The following IKZF3 variants were observed in gnomAD, a reference collection of about 807,000 sequenced individuals.
IKZF3 encodes the protein IKAROS family zinc finger 3, also known as zinc finger protein Aiolos.
Under a neutral mutation model 49.0 loss-of-function variants are expected in IKZF3, and 10 were observed. The observed-to-expected ratio is 0.20, with a 90% CI of 0.13 to 0.35. The LOEUF is 0.35. Ranked by LOEUF, IKZF3 falls within the 10% of genes least tolerant of loss-of-function variation. IKZF3 has a pLI of 1.00. For missense variants in IKZF3, 498 were observed against 664.8 expected, an observed-to-expected ratio of 0.75 and a Z score of 2.76; for synonymous variants, 209 against 228.2, an observed-to-expected ratio of 0.92 and a Z score of 0.76.
chr17:39,772,637 T>C (rs964816474), intron 7 of IKZF3, among the ~76,000 whole-genome samples: 17 of 152,074 alleles, frequency 1.1e-4, no homozygotes, highest in Non-Finnish European at 2.1e-4. Flanking sequence ...GGGGTGGCAC[T>C]GGGGAAAGCT....
At chr17:39,815,663 G>T (rs906777993) in intron 3 of IKZF3, among the ~76,000 whole-genome samples, 1 of 152,096 alleles carries the variant, frequency 6.6e-6, no homozygotes, top group Non-Finnish European at 1.5e-5. Context: ...AGCACTCATT[G>T]GATGCTAAAC....
intron 5 of IKZF3, 135 bp downstream of exon 5, chr17:39,791,281 A>G: frequency 1.2e-6 from 1 of 847,546 alleles, no homozygotes; most frequent in Non-Finnish European, 1.9e-6. Context: ...AATTAGCCCT[A>G]GAGGTCTCTG....
At chr17:39,813,748 C>A (rs1354414337) in intron 3 of IKZF3, among the ~76,000 whole-genome samples, 1 of 152,182 alleles carries the variant, frequency 6.6e-6, no homozygotes, top group African/African-American at 2.4e-5. Flanking sequence ...TTACAGAAAT[C>A]CCCTGTGAGT....
At chr17:39,800,821 G>A (rs1269361349) in intron 3 of IKZF3, among the ~76,000 whole-genome samples, 1 of 152,260 alleles carries the variant, frequency 6.6e-6, no homozygotes, top group African/African-American at 2.4e-5. Flanking sequence ...AAAAACAATG[G>A]GTCCTGGAAA....
intron 6 of IKZF3, among the ~76,000 whole-genome samples, chr17:39,780,204 C>G (rs1376274896): frequency 6.8e-6 from 1 of 146,878 alleles, no homozygotes; most frequent in East Asian, 2.0e-4. Context: ...CTATTAGTGC[C>G]AGTGCACTCC....
intron 6 of IKZF3, among the ~76,000 whole-genome samples, chr17:39,785,381 C>T (rs1223328446): frequency 6.6e-6 from 1 of 151,970 alleles, no homozygotes; most frequent in African/African-American, 2.4e-5. Flanking sequence ...CTTAGTTAAC[C>T]CTTTATCTTT....
chr17:39,760,307 C>T lies in IKZF3; in HGVS notation c.*5483G>A, dbSNP rs1444083038. Reference sequence around the variant, plus strand: ...GAGTAGCTGGGATTACAGGTGTGCACCACCACACCCAGCTAATTTTTGTAT... The same window carrying T: ...GAGTAGCTGGGATTACAGGTGTGCATCACCACACCCAGCTAATTTTTGTAT... On this transcript the variant is annotated 3_prime_UTR_variant, in exon 8 of 8. Coordinates refer to ENST00000346872, the MANE Select transcript of IKZF3 (RefSeq NM_012481.5). 1.3e-5 allele frequency: 2 copies of T among 151,174 alleles called. No homozygotes were observed. The highest frequency in any genetic ancestry group is 2.1e-4 in the South Asian group (1 of 4,764). The allele number at this position is 151,174 out of a possible 1,614,324, so 9.4% of individuals were successfully genotyped here.
At chr17:39,813,985 T>C (rs1198437248) in intron 3 of IKZF3, among the ~76,000 whole-genome samples, 1 of 152,190 alleles carries the variant, frequency 6.6e-6, no homozygotes, top group Admixed American at 6.5e-5. Context: ...TCTTCACACA[T>C]CTAAATGTGG....
In IKZF3 at chr17:39,838,327, T is replaced by C. The variant is rs1461740914; in HGVS notation, c.8-6176A>G. 3.9e-5 allele frequency among the ~76,000 whole-genome samples: 6 copies of C among 152,198 alleles called. No homozygotes were observed. In the East Asian group the frequency reaches 1.2e-3, roughly 29 times the overall value. The stretch of plus-strand genomic sequence containing the variant: ...CCCCACAATGCTTTTTTCTCTGATA[T>C]TCAGAAGGAATAATTTCTATTTTCA... On this transcript the variant is annotated intron_variant, in intron 1 of 7. Coordinates refer to ENST00000346872, the MANE Select transcript of IKZF3 (RefSeq NM_012481.5).
chr17:39,859,965 C>T (rs573565215), intron 1 of IKZF3, among the ~76,000 whole-genome samples: 1 of 152,274 alleles, frequency 6.6e-6, no homozygotes, highest in African/African-American at 2.4e-5. Flanking sequence ...GGTGCAGTGG[C>T]TCACTCCTGT....
intron 3 of IKZF3, among the ~76,000 whole-genome samples, chr17:39,800,071 G>A (rs146960547): frequency 4.7e-4 from 72 of 152,306 alleles, no homozygotes; most frequent in African/African-American, 1.6e-3. Context: ...AATAAAGGCA[G>A]AAAATCTTAA....
chr17:39,835,307 ACGCGC>A (rs2062240207), intron 1 of IKZF3: 1 of 543,032 alleles, frequency 1.8e-6, no homozygotes, highest in African/African-American at 1.9e-5. Flanking sequence ...TGAGCAGCTG[ACGCGC>A]CACGTCCTGC....
In IKZF3 at chr17:39,766,481, T is replaced by C. The variant is rs2060296848; in HGVS notation, c.839A>G (p.His280Arg). ...TGAATTATAGTTGACATCAAAGCAGTGGCGCTTCTCACCTGGAACAAGTGA... is the reference window on the plus strand; with the variant it reads ...TGAATTATAGTTGACATCAAAGCAGCGGCGCTTCTCACCTGGAACAAGTGA... ...MPQKFIGEKRHCFDVNYNSSY... is the reference protein window; with the variant it reads ...MPQKFIGEKRRCFDVNYNSSY... Residue 280 changes from histidine (H) to arginine (R), a missense_variant, in exon 8 of 8, where the codon CAC (histidine) becomes CGC (arginine). Around this residue, in one of 3 missense-constraint regions of IKZF3, gnomAD observed 317 missense variants for 397.3 expected, o/e 0.80. Coordinates refer to ENST00000346872, the MANE Select transcript of IKZF3 (RefSeq NM_012481.5). The C allele has an allele frequency of 6.2e-7, 1 of 1,608,378 alleles. No homozygotes were observed. Among genetic ancestry groups the C allele is most frequent in the African/African-American group, 1.3e-5 (1 of 74,854 alleles).
intron 5 of IKZF3, among the ~76,000 whole-genome samples, chr17:39,790,996 A>T (rs1302402975): frequency 6.6e-6 from 1 of 152,194 alleles, no homozygotes; most frequent in Non-Finnish European, 1.5e-5. Context: ...TTATATCCAG[A>T]TCACAGTTTT....
intron 1 of IKZF3, among the ~76,000 whole-genome samples, chr17:39,853,666 T>C (rs911695678): frequency 2.6e-5 from 4 of 151,520 alleles, no homozygotes; most frequent in Non-Finnish European, 5.9e-5. Flanking sequence ...AGAAACTCTG[T>C]CTCTACTAAA....
chr17:39,832,281 C>T (rs1162250208), intron 1 of IKZF3, 130 bp from the exon 2 acceptor site: 11 of 595,326 alleles, frequency 1.8e-5, no homozygotes, highest in Admixed American at 3.1e-5. Context: ...AGCAAGATTA[C>T]TCTTTCTCTA....
chr17:39,772,320 A>G (rs912980374), intron 7 of IKZF3, among the ~76,000 whole-genome samples: 4 of 152,136 alleles, frequency 2.6e-5, no homozygotes, highest in Admixed American at 1.3e-4. Context: ...CAGAAATCCA[A>G]TATTTAGAGT....
intron 3 of IKZF3, among the ~76,000 whole-genome samples, chr17:39,826,454 C>T (rs1209775296): frequency 1.3e-5 from 2 of 152,172 alleles, no homozygotes; most frequent in African/African-American, 4.8e-5. Context: ...TGCTGTTTTC[C>T]TAGAAGTGAT....
chr17:39,863,414 TC>T (rs1267896279), intron 1 of IKZF3, among the ~76,000 whole-genome samples: 3 of 150,056 alleles, frequency 2.0e-5, no homozygotes, highest in South Asian at 2.1e-4. Flanking sequence ...AATCCCACCA[TC>T]CCCCCCCGAG....
Sources: gnomAD v4.1 joint callset for allele counts (sites outside exome capture counted in the v4.1 genomes callset) on GRCh38, gnomAD v4.1.1 for gene constraint, gnomAD v4.1.1 regional missense constraint, MANE v1.5 for transcripts, NCBI Gene and HGNC (gene_info 2026-07-23, HGNC 2026-07-21) for gene names.